SAMD8: variants seen among roughly 807,000 people sequenced by gnomAD.
SAMD8 encodes the protein sphingomyelin synthase-related protein 1.
A neutral mutation model predicts 42.0 loss-of-function variants in SAMD8; 20 were observed. The observed-to-expected ratio is 0.48, with a 90% CI of 0.34 to 0.69. The LOEUF (loss-of-function observed/expected upper bound fraction) is 0.69, where lower values mean the gene tolerates loss of function less well. Ranked by LOEUF, SAMD8 falls within the 30% of genes least tolerant of loss-of-function variation. SAMD8 has a pLI of 0.01. For synonymous variants in SAMD8, 162 were observed against 173.0 expected (o/e 0.94, Z 0.50); for missense variants, 328 against 511.6 (o/e 0.64, Z 3.46).
chr10:75,157,234 G>GGA (rs139540562), intron 2 of SAMD8, among the ~76,000 whole-genome samples: 2,888 of 148,340 alleles, frequency 0.019, 45 homozygotes, highest in Middle Eastern at 0.038. Flanking sequence ...ATGATGAGGG[G>GGA]GAGAGAGAGA....
intron 3 of SAMD8, among the ~76,000 whole-genome samples, chr10:75,167,045 T>C (rs1404420228): frequency 6.6e-6 from 1 of 152,218 alleles, no homozygotes; most frequent in Non-Finnish European, 1.5e-5. Context: ...ATGTGATGTA[T>C]GGTCCCTGTC....
At chr10:75,110,849 CTT>C (rs1490347597), upstream of SAMD8, among the ~76,000 whole-genome samples, 1 of 152,034 alleles carries the variant, frequency 6.6e-6, no homozygotes, top group Non-Finnish European at 1.5e-5. Flanking sequence ...GGAGTTTGCT[CTT>C]GTCGCCCAGG....
chr10:75,122,227 ATATT>A (rs887074227), intron 1 of SAMD8, among the ~76,000 whole-genome samples: 27 of 152,150 alleles, frequency 1.8e-4, no homozygotes, highest in African/African-American at 5.5e-4. Flanking sequence ...TACTAGTTTG[ATATT>A]TATTTATTTA....
At chr10:75,171,151 T>C (rs1840852410) in intron 4 of SAMD8, among the ~76,000 whole-genome samples, 1 of 135,142 alleles carries the variant, frequency 7.4e-6, no homozygotes, top group African/African-American at 2.9e-5. Context: ...TCTTTCTTTC[T>C]TTCTTTTTCT....
At chr10:75,171,329 G>A (rs1589978840) in intron 4 of SAMD8, among the ~76,000 whole-genome samples, 1 of 151,276 alleles carries the variant, frequency 6.6e-6, no homozygotes, top group East Asian at 2.0e-4. Flanking sequence ...ACCATGCATG[G>A]CTAATTTTTT....
intron 2 of SAMD8, among the ~76,000 whole-genome samples, chr10:75,158,814 A>G (rs1394340317): frequency 6.6e-6 from 1 of 152,156 alleles, no homozygotes; most frequent in Non-Finnish European, 1.5e-5. Context: ...AAGTGGAACC[A>G]TACAATATCG....
intron 1 of SAMD8, among the ~76,000 whole-genome samples, chr10:75,145,764 A>G (rs148228875): frequency 3.0e-3 from 462 of 152,302 alleles, no homozygotes; most frequent in African/African-American, 0.011. Context: ...CAAATGTTCC[A>G]GGAAGTGGGG....
intron 1 of SAMD8, among the ~76,000 whole-genome samples, chr10:75,115,410 G>A (rs1050027533): frequency 3.9e-5 from 6 of 152,164 alleles, no homozygotes; most frequent in Admixed American, 1.3e-4. Context: ...CATGGGCCAG[G>A]CACACTGGGA....
chr10:75,111,473 T>A (rs994053407), upstream of SAMD8: 60 of 1,216,634 alleles, frequency 4.9e-5, no homozygotes, highest in Non-Finnish European at 5.9e-5. Context: ...CCCCGGCCGG[T>A]AGGGCCCCGC....
At chr10:75,120,774 C>CTTTTTTTTTT (rs111866437) in intron 1 of SAMD8, among the ~76,000 whole-genome samples, 2 of 80,140 alleles carry the variant, frequency 2.5e-5, no homozygotes, top group Non-Finnish European at 4.4e-5. Context: ...TAATTTCCAT[C>CTTTTTTTTTT]TTTTTTTTTT....
chr10:75,174,477 C>T (rs1231209984), intron 4 of SAMD8, among the ~76,000 whole-genome samples: 1 of 144,272 alleles, frequency 6.9e-6, no homozygotes, highest in African/African-American at 2.6e-5. Flanking sequence ...TCTTGTTGCC[C>T]AGGCTGGAGT....
In SAMD8 at chr10:75,120,774, C is replaced by CTTTTTTT. The variant is rs111866437; in HGVS notation, c.-16+9070_-16+9076dup. Among the ~76,000 whole-genome samples, 32 of 80,170 alleles carry CTTTTTTT rather than the reference C, an allele frequency of 4.0e-4. 1 individual carries two copies. Among genetic ancestry groups the CTTTTTTT allele is most frequent in the East Asian group, 1.4e-3 (3 of 2,126 alleles). The allele number at this position is 80,170 out of a possible 152,430, so 52.6% of individuals were successfully genotyped here. ...TGTTATGTTGAAAAGTAATTTCCAT[C>CTTTTTTT]TTTTTTTTTTTTTTTTTTTTTTTTG... is the stretch of plus-strand genomic sequence containing the variant. On this transcript the variant is annotated intron_variant, in intron 1 of 5. Transcript: ENST00000542569.
chr10:75,174,459 A>T (rs1218074951), intron 4 of SAMD8, among the ~76,000 whole-genome samples: 7 of 57,290 alleles, frequency 1.2e-4, no homozygotes, highest in Admixed American at 2.6e-4. Flanking sequence ...TTTGAGATGG[A>T]GTTTTGCTCT....
rs567340163 is a variant in SAMD8 at position 75,178,808 on chromosome 10, G to A, written c.*2116G>A. ...CTTTGGGAGGCCAAGGCAGGCGGAT[G>A]GCTTGAGGTCAGGAGTTCGAGATTA... On this transcript the variant is annotated 3_prime_UTR_variant, in exon 6 of 6. Transcript: ENST00000542569. 2 of 152,160 alleles carry A rather than the reference G, an allele frequency of 1.3e-5. No individual in the cohort carries two copies. Among genetic ancestry groups the A allele is most frequent in the East Asian group, 1.9e-4 (1 of 5,166 alleles). The allele number at this position is 152,160 out of a possible 1,614,324, so 9.4% of individuals were successfully genotyped here.
intron 1 of SAMD8, among the ~76,000 whole-genome samples, chr10:75,141,302 C>T (rs984678557): frequency 2.0e-5 from 3 of 150,240 alleles, no homozygotes; most frequent in Admixed American, 6.7e-5. Context: ...TGCAGTGAGC[C>T]GAGATCGTGC....
intron 1 of SAMD8, among the ~76,000 whole-genome samples, chr10:75,133,684 A>T (rs1849323120): frequency 6.6e-6 from 1 of 152,216 alleles, no homozygotes; most frequent in African/African-American, 2.4e-5. Context: ...GGAGGACATT[A>T]TATTAAGTGA....
At chr10:75,131,154 C>A (rs1310403150) in intron 1 of SAMD8, among the ~76,000 whole-genome samples, 1 of 152,206 alleles carries the variant, frequency 6.6e-6, no homozygotes, top group Non-Finnish European at 1.5e-5. Flanking sequence ...AGTAGGTATT[C>A]ATAAATGTTA....
At chr10:75,132,677 A>G (rs1849299692) in intron 1 of SAMD8, among the ~76,000 whole-genome samples, 3 of 140,890 alleles carry the variant, frequency 2.1e-5, no homozygotes, top group Admixed American at 1.5e-4. Context: ...TTAAGACTGA[A>G]ATAGCTGTCC....
intron 1 of SAMD8, among the ~76,000 whole-genome samples, chr10:75,128,381 T>C (rs917883021): frequency 1.3e-5 from 2 of 152,090 alleles, no homozygotes; most frequent in Non-Finnish European, 2.9e-5. Context: ...CCTTCTGTTT[T>C]TTTAAATTTT....
Sources: allele counts gnomAD v4.1 joint callset (sites outside exome capture counted in the v4.1 genomes callset), GRCh38; gene constraint gnomAD v4.1.1; transcripts MANE v1.5; gene names NCBI Gene and HGNC (gene_info 2026-07-23, HGNC 2026-07-21).